STK11: variants seen among roughly 807,000 people sequenced by gnomAD.
STK11 encodes the protein serine/threonine kinase 11, also known as serine/threonine-protein kinase STK11.
Under a neutral mutation model 47.3 loss-of-function variants are expected in STK11, and 8 were observed. The ratio of observed to expected loss-of-function variants is 0.17; its 90% confidence interval spans 0.10 to 0.31. STK11 has a LOEUF of 0.31. Ranked by LOEUF, STK11 falls within the 10% of genes least tolerant of loss-of-function variation. STK11 has a pLI of 1.00. For synonymous variants in STK11, 330 were observed against 255.8 expected (o/e 1.29, Z -2.77); for missense variants, 475 against 605.0 (o/e 0.79, Z 2.25).
chr19:1,227,586 C>T lies in STK11; in HGVS notation c.*17-7C>T, dbSNP rs2080834917. The T allele has an allele frequency of 1.9e-6, 2 of 1,064,416 alleles. No individual in the cohort carries two copies. The highest frequency in any genetic ancestry group is 2.3e-6 in the Non-Finnish European group (2 of 878,706). 65.9% of individuals were successfully genotyped at this position (1,064,416 alleles called of 1,614,324 possible). ...CTGACCTCTTCCGTCTTCCTTCCAC[C>T]CTGCAGCCCGTGTCCAGGAGCCCCG... On this transcript the variant is annotated splice_region_variant and splice_polypyrimidine_tract_variant and intron_variant, in intron 9 of 9. Coordinates refer to ENST00000326873, the MANE Select transcript of STK11 (RefSeq NM_000455.5).
chr19:1,224,194 G>A, intron 8 of STK11: 1 of 985,188 alleles, frequency 1.0e-6, no homozygotes, highest in Non-Finnish European at 1.2e-6. Flanking sequence ...GGGGTCCCCG[G>A]GGGGTACAGT....
chr19:1,223,658 G>A, intron 8 of STK11: 1 of 1,065,946 alleles, frequency 9.4e-7, no homozygotes. Flanking sequence ...GGCGTCTGAG[G>A]CAGGGCTTAG....
At chr19:1,226,821 C>A in intron 9 of STK11, 158 bp downstream of exon 9, 1 of 905,074 alleles carries the variant, frequency 1.1e-6, no homozygotes, top group Non-Finnish European at 1.6e-6. Context: ...GTAGCGATCC[C>A]CGTGGAGGGT....
At chr19:1,207,248 G>C in intron 1 of STK11, 45 bp downstream of exon 1, 1 of 1,549,614 alleles carries the variant, frequency 6.5e-7, no homozygotes, top group Non-Finnish European at 8.7e-7. Context: ...GGCCAGTCAC[G>C]GTGCTGATGG....
chr19:1,208,658 C>T (rs1350245032), intron 1 of STK11, among the ~76,000 whole-genome samples: 121 of 104,760 alleles, frequency 1.2e-3, no homozygotes, highest in African/African-American at 4.7e-3. Flanking sequence ...ACTCTTGTTG[C>T]TCAGGCTGGA....
intron 6 of STK11, chr19:1,221,668 G>C (rs958941506): frequency 3.4e-6 from 2 of 586,382 alleles, no homozygotes; most frequent in Admixed American, 6.0e-5. Context: ...GGCAGCAGGT[G>C]GCACTGGCCG....
At chr19:1,222,315 T>C (rs537245997) in intron 7 of STK11, among the ~76,000 whole-genome samples, 1 of 152,290 alleles carries the variant, frequency 6.6e-6, no homozygotes, top group East Asian at 1.9e-4. Context: ...CCTCTCTTTT[T>C]CCCCTCCTCC....
intron 9 of STK11, 106 bp from the exon 10 acceptor site, chr19:1,227,487 G>C (rs1368612848): frequency 1.1e-5 from 12 of 1,048,226 alleles, no homozygotes; most frequent in African/African-American, 1.7e-5. Context: ...CCAGGAGTCC[G>C]GTAGCCCCAT....
rs988447092 is a variant in STK11 at position 1,220,260 on chromosome 19, G to C, written c.465-113G>C. On this transcript the variant is annotated intron_variant, in intron 3 of 9. Coordinates refer to ENST00000326873, the MANE Select transcript of STK11 (RefSeq NM_000455.5). ...CTCTGTCCTGTGTGCCTGGACTTCTGTGACTTCCCAGCTGGGCCTGTGGTG... is the reference window on the plus strand; with the variant it reads ...CTCTGTCCTGTGTGCCTGGACTTCTCTGACTTCCCAGCTGGGCCTGTGGTG... 1.8e-5 allele frequency: 26 copies of C among 1,406,282 alleles called. No homozygotes were observed. In the African/African-American group the frequency reaches 3.3e-4, roughly 18 times the overall value. 87.1% of individuals were successfully genotyped at this position (1,406,282 alleles called of 1,614,324 possible).
chr19:1,217,940 C>G (rs532937726), intron 1 of STK11, among the ~76,000 whole-genome samples: 7 of 152,204 alleles, frequency 4.6e-5, no homozygotes, highest in African/African-American at 7.2e-5. Flanking sequence ...GTCAGGAGAT[C>G]GAGACCATCC....
At chr19:1,220,846 AG>A in intron 5 of STK11, 129 bp downstream of exon 5, 3 of 1,377,788 alleles carry the variant, frequency 2.2e-6, no homozygotes, top group Non-Finnish European at 2.9e-6. Flanking sequence ...CACAGCCGCT[AG>A]GGGGTGCTTA....
rs531902740 is a variant in STK11 at position 1,211,036 on chromosome 19, C to T, written c.290+3833C>T. Among the ~76,000 whole-genome samples the T allele has an allele frequency of 3.9e-5, 6 of 152,288 alleles. No homozygotes were observed. In the South Asian group the frequency reaches 1.0e-3, roughly 26 times the overall value. ...ACTAGCCAGGTGTGGTGGCACATGC[C>T]AATAATCCCAGCTACTTCATCTGAG... On this transcript the variant is annotated intron_variant, in intron 1 of 9. Coordinates refer to ENST00000326873, the MANE Select transcript of STK11 (RefSeq NM_000455.5).
chr19:1,221,511 C>A, intron 6 of STK11, 171 bp downstream of exon 6: 1 of 1,020,530 alleles, frequency 9.8e-7, no homozygotes, highest in Non-Finnish European at 1.4e-6. Flanking sequence ...CCAGGTCCCT[C>A]AGCTCCACCC....
intron 1 of STK11, among the ~76,000 whole-genome samples, chr19:1,209,619 T>C (rs1448676339): frequency 6.7e-6 from 1 of 150,322 alleles, no homozygotes; most frequent in East Asian, 1.9e-4. Context: ...AATAAATAAA[T>C]AAATAAATCT....
intron 1 of STK11, among the ~76,000 whole-genome samples, chr19:1,209,513 C>T (rs1003743131): frequency 3.3e-5 from 5 of 152,016 alleles, no homozygotes; most frequent in East Asian, 1.9e-4. Context: ...GCCTGGGAGG[C>T]GGAGCTTGCG....
At chr19:1,224,193 G>A (rs1422844263) in intron 8 of STK11, 15 of 984,976 alleles carry the variant, frequency 1.5e-5, no homozygotes, top group African/African-American at 1.8e-5. Context: ...GGGGGTCCCC[G>A]GGGGGTACAG....
intron 2 of STK11, 87 bp downstream of exon 2, chr19:1,218,587 C>G: frequency 8.5e-7 from 1 of 1,177,056 alleles, no homozygotes; most frequent in Non-Finnish European, 1.3e-6. Flanking sequence ...GCTCCTCTTC[C>G]CGTCTCCTTG....
At position 1,226,518 on chromosome 19, in the gene STK11, T is replaced by C. The variant is rs1229258407; in HGVS notation, c.1173T>C (p.Cys391=). The change falls in exon 9 of 10, where the codon TGT becomes TGC. Residue 391 remains cysteine (C), a synonymous_variant. Coordinates refer to ENST00000326873, the MANE Select transcript of STK11 (RefSeq NM_000455.5). The part of the protein sequence containing the change: ...GQRRGLPKAV[C]MNGTEAAQLS... ...GCCGGGGCCTCCCCAAGGCCGTGTG[T>C]ATGAACGGCACAGAGGCGGCGCAGC... 6 of 1,610,064 alleles carry C rather than the reference T, an allele frequency of 3.7e-6. No homozygotes were observed. Among genetic ancestry groups the C allele is most frequent in the Non-Finnish European group, 5.1e-6 (6 of 1,178,924 alleles).
chr19:1,206,701 C>T lies in STK11; in HGVS notation c.-213C>T. On this transcript the variant is annotated 5_prime_UTR_variant, in exon 1 of 10. Transcript: ENST00000326873. ...CCCGGTGCCCGCCGGTCCGCAGACC[C>T]TGCACCGGGCTTGGACTCGCAGCCG... The T allele has an allele frequency of 4.5e-6, 3 of 673,072 alleles. No individual in the cohort carries two copies. The highest frequency in any genetic ancestry group is 7.2e-6 in the Non-Finnish European group (3 of 418,792). 41.7% of individuals were successfully genotyped at this position (673,072 alleles called of 1,614,324 possible).
Sources: allele counts gnomAD v4.1 joint callset (sites outside exome capture counted in the v4.1 genomes callset), GRCh38; gene constraint gnomAD v4.1.1; transcripts MANE v1.5; gene names NCBI Gene and HGNC (gene_info 2026-07-23, HGNC 2026-07-21).